CNGB3: variants seen among roughly 807,000 people sequenced by gnomAD.
The protein encoded by CNGB3 is cyclic nucleotide gated channel subunit beta 3.
CNGB3 carries 86 observed loss-of-function variants against 92.8 expected under a neutral mutation model. The ratio of observed to expected loss-of-function variants is 0.93; its 90% CI spans 0.78 to 1.11. The LOEUF is 1.11. Among genes scored for constraint, CNGB3 ranks in the 50% least tolerant of loss-of-function variants. The probability of loss-of-function intolerance (pLI) is 0.00; values close to 1 mark genes in which losing one functional copy is unlikely to be tolerated. For missense variants in CNGB3, 1,026 were observed against 956.8 expected (o/e 1.07, Z -0.95); for synonymous variants, 333 against 332.7 (o/e 1.00, Z -0.01).
At chr8:86,643,939 TTTC>T in intron 9 of CNGB3, 66 bp from the exon 10 acceptor site, 1 of 1,562,826 alleles carries the variant, frequency 6.4e-7, no homozygotes, top group African/African-American at 1.4e-5. Flanking sequence ...ATTTTAACAT[TTTC>T]TTTTCCTTAA....
At chr8:86,720,435 A>G (rs1417464373) in intron 3 of CNGB3, among the ~76,000 whole-genome samples, 1 of 152,212 alleles carries the variant, frequency 6.6e-6, no homozygotes, top group East Asian at 1.9e-4. Flanking sequence ...AATGCAAATC[A>G]AAACCACAAT....
At chr8:86,714,789 T>C (rs1269830348) in intron 3 of CNGB3, among the ~76,000 whole-genome samples, 1 of 152,146 alleles carries the variant, frequency 6.6e-6, no homozygotes, top group Non-Finnish European at 1.5e-5. Context: ...ATAGACTCAG[T>C]GCTACTGGTA....
intron 3 of CNGB3, among the ~76,000 whole-genome samples, chr8:86,699,192 A>C (rs1824506153): frequency 6.6e-6 from 1 of 152,178 alleles, no homozygotes; most frequent in African/African-American, 2.4e-5. Flanking sequence ...TTACAATTTG[A>C]ACCCCTTTTT....
chr8:86,591,943 C>T (rs1455774248), intron 15 of CNGB3, among the ~76,000 whole-genome samples: 1 of 152,244 alleles, frequency 6.6e-6, no homozygotes, highest in African/African-American at 2.4e-5. Flanking sequence ...CCCAGCCTCG[C>T]TGCCACCTTG....
intron 14 of CNGB3, among the ~76,000 whole-genome samples, chr8:86,611,292 C>T (rs1433407950): frequency 6.6e-6 from 1 of 152,074 alleles, no homozygotes; most frequent in East Asian, 1.9e-4. Context: ...CTTTTTCCTC[C>T]ACTTTAAATA....
chr8:86,643,797 C>T lies in CNGB3; in HGVS notation c.1132G>A (p.Glu378Lys). ...ACCCATCTAGTAGTGCCAATTCCTT[C>T]ATAGTTTGAAGCCCAGTAATAAACA... ...ACVYYWASNY[E>K]GIGTTRWVYD... The change falls in exon 10 of 18, where the codon GAA (glutamate) becomes AAA (lysine). Residue 378 changes from glutamate to lysine, a missense_variant. Physicochemically the swap from Glu to Lys is moderately conservative, Grantham distance 56. Coordinates refer to ENST00000320005, the MANE Select transcript of CNGB3 (RefSeq NM_019098.5). The T allele has an allele frequency of 6.2e-7, 1 of 1,606,500 alleles. No homozygotes were observed. The highest frequency in any genetic ancestry group is 8.5e-7 in the Non-Finnish European group (1 of 1,175,586).
intron 12 of CNGB3, among the ~76,000 whole-genome samples, 171 bp from the exon 13 acceptor site, chr8:86,626,251 C>T (rs185858799): frequency 5.3e-4 from 80 of 152,230 alleles, no homozygotes; most frequent in Non-Finnish European, 1.0e-3. Context: ...GACCTCCATA[C>T]CTATTACAAT....
intron 15 of CNGB3, chr8:86,593,961 G>A (rs1165559140): frequency 4.0e-6 from 2 of 499,198 alleles, no homozygotes; most frequent in Admixed American, 2.6e-5. Flanking sequence ...GAAGCCTCCA[G>A]TGGGAGCGAG....
chr8:86,641,284 C>T (rs1823179496), intron 10 of CNGB3, among the ~76,000 whole-genome samples: 2 of 152,000 alleles, frequency 1.3e-5, no homozygotes, highest in African/African-American at 4.8e-5. Flanking sequence ...ATAATCCACT[C>T]CTTGTTTAGC....
At position 86,671,056 on chromosome 8, in the gene CNGB3, A is replaced by G. The variant is rs756986331; in HGVS notation, c.381T>C (p.Tyr127=). The G allele has an allele frequency of 1.2e-6, 2 of 1,614,052 alleles. No homozygotes were observed. The highest frequency in any genetic ancestry group is 2.2e-5 in the East Asian group (1 of 44,872). The change falls in exon 4 of 18, where the codon TAT becomes TAC. Residue 127 remains tyrosine, a synonymous_variant. Coordinates refer to ENST00000320005, the MANE Select transcript of CNGB3 (RefSeq NM_019098.5). The part of the protein sequence containing the change: ...KPPAAPVINE[Y]ADAQLHNLVK... ...CCAGGTTGTGTAGCTGGGCATCGGC[A>G]TACTCATTTATAACAGGAGCTGCAG...
chr8:86,715,471 GA>G (rs1824834291), intron 3 of CNGB3, among the ~76,000 whole-genome samples: 1 of 152,064 alleles, frequency 6.6e-6, no homozygotes, highest in African/African-American at 2.4e-5. Flanking sequence ...CAGCCCTAAA[GA>G]AGCCCCATCC....
At chr8:86,697,333 T>C (rs1392521813) in intron 3 of CNGB3, among the ~76,000 whole-genome samples, 2 of 152,168 alleles carry the variant, frequency 1.3e-5, no homozygotes. Flanking sequence ...AATCTATGAG[T>C]TTATCTTGGT....
intron 12 of CNGB3, among the ~76,000 whole-genome samples, chr8:86,627,180 G>T (rs1002358780): frequency 6.6e-6 from 1 of 151,976 alleles, no homozygotes; most frequent in Non-Finnish European, 1.5e-5. Flanking sequence ...TTCAAATATA[G>T]ATTCTAAATA....
At chr8:86,723,091 T>A (rs552840589) in intron 3 of CNGB3, among the ~76,000 whole-genome samples, 1 of 152,260 alleles carries the variant, frequency 6.6e-6, no homozygotes, top group African/African-American at 2.4e-5. Flanking sequence ...CTTCTGCCCA[T>A]CTTCCAAACA....
chr8:86,597,576 G>A, intron 15 of CNGB3, among the ~76,000 whole-genome samples: 1 of 152,214 alleles, frequency 6.6e-6, no homozygotes, highest in East Asian at 1.9e-4. Flanking sequence ...CTTGGTAAAA[G>A]GGTGGGGAAA....
chr8:86,589,174 C>T (rs1433611082), intron 15 of CNGB3, among the ~76,000 whole-genome samples: 232 of 148,814 alleles, frequency 1.6e-3, no homozygotes, highest in African/African-American at 5.7e-3. Context: ...TCTGTGGGAT[C>T]GGTGGTGATA....
intron 3 of CNGB3, among the ~76,000 whole-genome samples, chr8:86,726,267 T>C (rs1348884151): frequency 6.6e-6 from 1 of 152,206 alleles, no homozygotes; most frequent in African/African-American, 2.4e-5. Context: ...GACTCATACA[T>C]GTAACAGCAA....
chr8:86,584,917 T>C (rs1821863177), intron 15 of CNGB3, among the ~76,000 whole-genome samples: 1 of 152,178 alleles, frequency 6.6e-6, no homozygotes, highest in Non-Finnish European at 1.5e-5. Context: ...AAAGGAGAAT[T>C]ATTAAAGCAT....
intron 15 of CNGB3, among the ~76,000 whole-genome samples, chr8:86,599,645 C>T (rs921170388): frequency 6.6e-6 from 1 of 152,126 alleles, no homozygotes; most frequent in African/African-American, 2.4e-5. Context: ...TTTACGGTCG[C>T]AGCTGTAGGG....
Sources: allele counts gnomAD v4.1 joint callset (sites outside exome capture counted in the v4.1 genomes callset), GRCh38; gene constraint gnomAD v4.1.1; transcripts MANE v1.5; gene names NCBI Gene and HGNC (gene_info 2026-07-23, HGNC 2026-07-21).